The following JADE3 variants were observed in gnomAD, a reference collection of about 807,000 sequenced individuals.
JADE3 encodes the protein jade family PHD finger 3, also known as protein Jade-3.
Under a neutral mutation model 50.1 loss-of-function variants are expected in JADE3, and 2 were observed. That is an observed-to-expected ratio of 0.04 (90% CI 0.02 to 0.13). The LOEUF (loss-of-function observed/expected upper bound fraction) is 0.13. Ranked by LOEUF, JADE3 falls within the 10% of genes least tolerant of loss-of-function variation. The pLI is 1.00. For synonymous variants in JADE3, 218 were observed against 232.9 expected (o/e 0.94, Z 0.58); for missense variants, 475 against 634.4 (o/e 0.75, Z 2.70).
chrX:46,999,487 A>ACATATATATACATATATAACATATATAT (rs1556358444), intron 4 of JADE3, among the ~76,000 whole-genome samples: 8 of 103,179 alleles, frequency 7.8e-5, no homozygotes, highest in Admixed American at 2.2e-4. Context: ...ATATATATAA[A>ACATATATATACATATATAACATATATAT]ATAGGGTCTT....
rs782707334 is a variant in JADE3 at position 47,054,425 on chromosome X, G to A, written c.1240G>A (p.Glu414Lys). ...EEEFYSLVRV[E>K]DVAAELGMPT... ...GGAGTTCTATTCCTTGGTACGAGTG[G>A]AAGATGTGGCCGCAGAGCTGGGTAT... The change falls in exon 9 of 11, where the codon GAA becomes AAA. Residue 414 changes from glutamate to lysine, a missense_variant. Transcript: ENST00000614628. 3 of 1,211,507 alleles carry A rather than the reference G, an allele frequency of 2.5e-6. No individual in the cohort carries two copies. The highest frequency in any genetic ancestry group is 3.5e-5 in the South Asian group (2 of 56,983).
intron 1 of JADE3, among the ~76,000 whole-genome samples, chrX:46,964,092 G>A (rs73480237): frequency 0.015 from 1,644 of 112,266 alleles, 23 homozygotes; most frequent in African/African-American, 0.051. Flanking sequence ...CCTGATGATG[G>A]TCCTCTTGTG....
intron 1 of JADE3, among the ~76,000 whole-genome samples, chrX:46,950,779 T>C (rs1029562102): frequency 1.4e-4 from 16 of 112,579 alleles, no homozygotes; most frequent in Non-Finnish European, 2.6e-4. Context: ...ATAGCTTGTG[T>C]ACTTGAAAAG....
chrX:46,973,807 G>A (rs575279205), intron 1 of JADE3, among the ~76,000 whole-genome samples: 6 of 112,696 alleles, frequency 5.3e-5, no homozygotes, highest in African/African-American at 9.6e-5. Context: ...TTGGCCGGAC[G>A]TGGTGGCTTA....
chrX:47,056,055 T>G (rs782801305), intron 9 of JADE3, 27 bp from the exon 10 acceptor site: 2 of 958,516 alleles, frequency 2.1e-6, no homozygotes, highest in Non-Finnish European at 3.0e-6. Flanking sequence ...GACAAACATC[T>G]CTATTTGTTG....
intron 4 of JADE3, among the ~76,000 whole-genome samples, chrX:47,024,040 C>G (rs965774468): frequency 8.9e-6 from 1 of 112,809 alleles, no homozygotes; most frequent in Non-Finnish European, 1.9e-5. Flanking sequence ...GTCTCCGTGA[C>G]AGAAAATTAT....
In JADE3 at chrX:46,919,132, T is replaced by C. The variant is rs976000107; in HGVS notation, c.-12+6413T>C. On this transcript the variant is annotated intron_variant, in intron 1 of 10. Transcript: ENST00000614628. ...CTCTTCCACCAAGTGTGGAATGGAGTGATGGTTTTTCTGGGAAGAAGCCAA... is the reference window on the plus strand; with the variant it reads ...CTCTTCCACCAAGTGTGGAATGGAGCGATGGTTTTTCTGGGAAGAAGCCAA... Among the ~76,000 whole-genome samples, 3 of 112,061 alleles carry C rather than the reference T, an allele frequency of 2.7e-5. No homozygotes were observed. The South Asian group carries it at 1.1e-3, about 41-fold the overall frequency.
At chrX:47,012,205 C>G (rs1420938254) in intron 4 of JADE3, among the ~76,000 whole-genome samples, 1 of 111,762 alleles carries the variant, frequency 8.9e-6, no homozygotes, top group Non-Finnish European at 1.9e-5. Flanking sequence ...AGTCTCTTAT[C>G]AGAAATATGA....
intron 4 of JADE3, among the ~76,000 whole-genome samples, chrX:47,007,096 G>T (rs782341826): frequency 9.0e-6 from 1 of 110,794 alleles, no homozygotes; most frequent in Non-Finnish European, 1.9e-5. Flanking sequence ...GAGCCACTGC[G>T]CGTGGCCAGT....
chrX:47,031,518 G>GA (rs200338161), intron 6 of JADE3, among the ~76,000 whole-genome samples: 91 of 108,815 alleles, frequency 8.4e-4, no homozygotes, highest in Middle Eastern at 4.7e-3. Flanking sequence ...TTAATTAAAA[G>GA]AAAAAAAAAT....
Position 46,971,403 on chromosome X carries a change from C to T in JADE3, c.-11-13481C>T, listed in dbSNP as rs1042060110. Among the ~76,000 whole-genome samples the T allele has an allele frequency of 3.7e-5, 4 of 108,962 alleles. No homozygotes were observed. In the South Asian group the frequency reaches 1.6e-3, roughly 44 times the overall value. 94.6% of individuals were successfully genotyped at this position (108,962 alleles called of 115,157 possible). Reference sequence around the variant, plus strand: ...CGTGCTGGGATTACAGGCGTAAGCCCCCGTGCCCAGCTGAAATTTTTGAAT... The same window carrying T: ...CGTGCTGGGATTACAGGCGTAAGCCTCCGTGCCCAGCTGAAATTTTTGAAT... On this transcript the variant is annotated intron_variant, in intron 1 of 10. Coordinates refer to ENST00000614628, the MANE Select transcript of JADE3 (RefSeq NM_014735.5).
rs1556374483 is a variant in JADE3 at position 47,059,473 on chromosome X, G to A, written c.*396G>A. The A allele has an allele frequency of 8.2e-6, 1 of 122,311 alleles. No individual in the cohort carries two copies. Among genetic ancestry groups the A allele is most frequent in the African/African-American group, 3.2e-5 (1 of 31,007 alleles). 10.1% of individuals were successfully genotyped at this position (122,311 alleles called of 1,213,427 possible). On this transcript the variant is annotated 3_prime_UTR_variant, in exon 11 of 11. Transcript: ENST00000614628. ...TACTTATCTTTTGAAGCTACAGCAT[G>A]TGACTCCCCAGAGCTCCTGTCTGTA...
intron 3 of JADE3, among the ~76,000 whole-genome samples, chrX:46,988,800 G>A (rs1927918679): frequency 8.9e-6 from 1 of 112,582 alleles, no homozygotes; most frequent in Non-Finnish European, 1.9e-5. Context: ...CTTCCTATTT[G>A]GCCCCTGAAA....
intron 1 of JADE3, among the ~76,000 whole-genome samples, chrX:46,927,796 C>T (rs1264842209): frequency 9.0e-6 from 1 of 111,143 alleles, no homozygotes; most frequent in African/African-American, 3.3e-5. Context: ...CAGTGGAGAC[C>T]CTTTCTTGCA....
intron 4 of JADE3, among the ~76,000 whole-genome samples, chrX:47,017,202 G>A (rs1273065695): frequency 9.0e-6 from 1 of 111,296 alleles, no homozygotes; most frequent in African/African-American, 3.3e-5. Flanking sequence ...ATTGAGGGGA[G>A]GGGTACAGAG....
chrX:47,035,307 G>A (rs1408637221), intron 7 of JADE3, among the ~76,000 whole-genome samples: 2 of 111,546 alleles, frequency 1.8e-5, no homozygotes, highest in African/African-American at 6.5e-5. Context: ...TTCCAGGGGA[G>A]TTATTGTCTA....
At chrX:46,956,135 G>C (rs782755955) in intron 1 of JADE3, among the ~76,000 whole-genome samples, 6 of 111,582 alleles carry the variant, frequency 5.4e-5, no homozygotes, top group African/African-American at 2.0e-4. Flanking sequence ...TGCCATCTTG[G>C]CTCACTGAAA....
rs1385442292 is a variant in JADE3, at chrX:47,059,771, G to A, written c.*694G>A. 8.9e-6 allele frequency: 1 copy of A among 112,088 alleles called. No homozygotes were observed. The highest frequency in any genetic ancestry group is 3.3e-5 in the African/African-American group (1 of 30,761). 9.2% of individuals were successfully genotyped at this position (112,088 alleles called of 1,213,427 possible). A position where few individuals can be genotyped will look rare whatever the true frequency, so the allele number is the denominator to read the frequency against. On this transcript the variant is annotated 3_prime_UTR_variant, in exon 11 of 11. Transcript: ENST00000614628. ...TAACTTGTGGATAGTGTTTACAAAA[G>A]TACAAAAGTACTACTTCCAAGGAAA...
At chrX:47,006,450 ATTTTTGTAGT>A (rs1928424035) in intron 4 of JADE3, among the ~76,000 whole-genome samples, 2 of 100,842 alleles carry the variant, frequency 2.0e-5, no homozygotes, top group African/African-American at 3.7e-5. Flanking sequence ...CGCCAGGCTA[ATTTTTGTAGT>A]TTTTTTTTTT....
Sources: gnomAD v4.1 joint callset for allele counts (sites outside exome capture counted in the v4.1 genomes callset) on GRCh38, gnomAD v4.1.1 for gene constraint, MANE v1.5 for transcripts, NCBI Gene and HGNC (gene_info 2026-07-23, HGNC 2026-07-21) for gene names.